GRM5: variants seen among roughly 807,000 people sequenced by gnomAD.
GRM5 encodes metabotropic glutamate receptor 5.
Under a neutral mutation model 83.1 loss-of-function variants are expected in GRM5, and 19 were observed. That is an observed-to-expected ratio of 0.23 (90% confidence interval 0.16 to 0.34). The LOEUF is 0.34. GRM5 is among the 10% of genes least tolerant of loss of function. GRM5 has a pLI of 1.00. For missense variants in GRM5, 1,160 were observed against 1,588.3 expected, an observed-to-expected ratio of 0.73 and a Z score of 4.58; for synonymous variants, 675 against 633.6, an observed-to-expected ratio of 1.07 and a Z score of -0.98.
intron 2 of GRM5, among the ~76,000 whole-genome samples, chr11:88,908,896 C>T (rs1945448767): frequency 6.6e-6 from 1 of 152,094 alleles, no homozygotes; most frequent in African/African-American, 2.4e-5. Flanking sequence ...CCCTTCTCTC[C>T]ATACTGCAAG....
intron 7 of GRM5, among the ~76,000 whole-genome samples, chr11:88,584,012 A>G (rs1216270129): frequency 6.6e-6 from 1 of 152,038 alleles, no homozygotes; most frequent in Non-Finnish European, 1.5e-5. Context: ...TCTTACCCTT[A>G]TCCTCTCTTT....
At chr11:88,844,884 T>A (rs1277164862) in intron 3 of GRM5, among the ~76,000 whole-genome samples, 1 of 152,200 alleles carries the variant, frequency 6.6e-6, no homozygotes, top group African/African-American at 2.4e-5. Context: ...TACAATCTCA[T>A]GATAAATCTT....
chr11:88,940,387 T>C lies in GRM5; in HGVS notation c.662-90232A>G, dbSNP rs921901049. 3.1e-4 allele frequency among the ~76,000 whole-genome samples: 47 copies of C among 150,786 alleles called. 1 individual carries two copies. ...GGACAATTTTTTTTTTCTTTTTTTC[T>C]TTTTTTCTTTTTTTTGTCATTTGCT... On this transcript the variant is annotated intron_variant, in intron 2 of 9. Coordinates refer to ENST00000305447, the MANE Select transcript of GRM5 (RefSeq NM_001143831.3).
At chr11:88,730,243 C>G (rs1941777021) in intron 3 of GRM5, among the ~76,000 whole-genome samples, 1 of 152,032 alleles carries the variant, frequency 6.6e-6, no homozygotes, top group Non-Finnish European at 1.5e-5. Context: ...TCTCAAAAGA[C>G]ATTTATGCGG....
At chr11:88,999,003 A>C (rs972414981) in intron 2 of GRM5, among the ~76,000 whole-genome samples, 1 of 152,216 alleles carries the variant, frequency 6.6e-6, no homozygotes, top group African/African-American at 2.4e-5. Context: ...TTCCCTATTT[A>C]ATAAATGGTG....
At chr11:89,016,592 G>T (rs1185677857) in intron 2 of GRM5, among the ~76,000 whole-genome samples, 3 of 152,068 alleles carry the variant, frequency 2.0e-5, no homozygotes, top group Admixed American at 6.6e-5. Flanking sequence ...GTTATCTCCT[G>T]TTTGAGAAAG....
intron 2 of GRM5, among the ~76,000 whole-genome samples, chr11:88,957,720 A>AG (rs1938666254): frequency 6.6e-6 from 1 of 152,208 alleles, no homozygotes. Context: ...ATTACATTGA[A>AG]GAATATTGCA....
At chr11:88,805,689 G>A (rs1396377941) in intron 3 of GRM5, among the ~76,000 whole-genome samples, 2 of 152,106 alleles carry the variant, frequency 1.3e-5, no homozygotes, top group Non-Finnish European at 2.9e-5. Context: ...TAAAGACTTA[G>A]AGAGTATGTC....
chr11:88,692,880 A>AT (rs915905615), intron 3 of GRM5, among the ~76,000 whole-genome samples: 6 of 152,084 alleles, frequency 3.9e-5, no homozygotes, highest in African/African-American at 1.4e-4. Flanking sequence ...GGGTAATCAT[A>AT]GTCAACGTGA....
chr11:89,064,941 G>GAGAGAGAGAGAGA (rs56894219), intron 1 of GRM5, among the ~76,000 whole-genome samples: 9 of 37,034 alleles, frequency 2.4e-4, no homozygotes, highest in South Asian at 1.5e-3. Flanking sequence ...AGAGAGAGAG[G>GAGAGAGAGAGAGA]GAGAGAGAGA....
chr11:88,690,894 C>A (rs1196524948), intron 3 of GRM5, among the ~76,000 whole-genome samples: 2 of 152,198 alleles, frequency 1.3e-5, no homozygotes, highest in African/African-American at 2.4e-5. Context: ...CATCTTTCTG[C>A]TCAGTGGTTT....
chr11:88,575,913 G>GT lies in GRM5; in HGVS notation c.1691-7922dup, dbSNP rs796563689. ...ATTCACAGCTATAGTTTTTATTTTT[G>GT]TTTTTTTTAATTGGTTATATTTTAT... On this transcript the variant is annotated intron_variant, in intron 7 of 9. Transcript: ENST00000305447. Among the ~76,000 whole-genome samples, 240 of 151,314 alleles carry GT rather than the reference G, an allele frequency of 1.6e-3. 1 individual carries two copies. Among genetic ancestry groups the GT allele is most frequent in the African/African-American group, 5.0e-3 (207 of 41,254 alleles).
chr11:89,010,320 T>A (rs1940660527), intron 2 of GRM5, among the ~76,000 whole-genome samples: 1 of 152,302 alleles, frequency 6.6e-6, no homozygotes, highest in African/African-American at 2.4e-5. Flanking sequence ...GACACTACCC[T>A]ATAAACATGG....
intron 8 of GRM5, among the ~76,000 whole-genome samples, chr11:88,538,770 T>C (rs1256674658): frequency 6.6e-6 from 1 of 152,218 alleles, no homozygotes; most frequent in African/African-American, 2.4e-5. Context: ...TCTTTTGAGT[T>C]AGGTACTATT....
At chr11:89,028,170 G>A (rs1018480016) in intron 2 of GRM5, among the ~76,000 whole-genome samples, 2 of 152,126 alleles carry the variant, frequency 1.3e-5, no homozygotes, top group Non-Finnish European at 2.9e-5. Context: ...GTCTGGTATG[G>A]CAGCACAAAA....
chr11:88,949,851 A>G (rs1412962728), intron 2 of GRM5, among the ~76,000 whole-genome samples: 5 of 152,078 alleles, frequency 3.3e-5, no homozygotes, highest in Non-Finnish European at 7.4e-5. Flanking sequence ...TATATACATC[A>G]ATGTAATCAA....
At chr11:88,653,104 C>T (rs1939675141) in intron 4 of GRM5, 64 bp downstream of exon 4, 2 of 990,526 alleles carry the variant, frequency 2.0e-6, no homozygotes, top group Non-Finnish European at 3.2e-6. Flanking sequence ...ATCCCCATGA[C>T]ATGGTTTACT....
rs1406694836 is a variant in GRM5 at position 88,990,191 on chromosome 11, T to C, written c.661+57021A>G. Among the ~76,000 whole-genome samples the C allele has an allele frequency of 1.1e-4, 16 of 150,268 alleles. 1 individual carries two copies. In the East Asian group the frequency reaches 2.9e-3, roughly 28 times the overall value. On this transcript the variant is annotated intron_variant, in intron 2 of 9. Transcript: ENST00000305447. ...ATGATAAAGGGGATATCACCACCGA[T>C]CCCACAGAAATACAAACTACCATCA...
intron 2 of GRM5, among the ~76,000 whole-genome samples, chr11:88,986,727 C>T (rs371113778): frequency 1.0e-3 from 96 of 93,044 alleles, no homozygotes; most frequent in Middle Eastern, 0.012. Flanking sequence ...TTTATTTTTG[C>T]TTTTTTTTTT....
Sources: gnomAD v4.1 joint callset for allele counts (sites outside exome capture counted in the v4.1 genomes callset) on GRCh38, gnomAD v4.1.1 for gene constraint, MANE v1.5 for transcripts, NCBI Gene and HGNC (gene_info 2026-07-23, HGNC 2026-07-21) for gene names.